The following ATL3 variants were observed in gnomAD, a reference collection of about 807,000 sequenced individuals.
ATL3 encodes atlastin-3.
A neutral mutation model predicts 69.5 loss-of-function variants in ATL3; 49 were observed. That is an observed-to-expected ratio of 0.71 (90% CI 0.56 to 0.89). ATL3 has a LOEUF of 0.89. Ranked by LOEUF, ATL3 falls within the 40% of genes least tolerant of loss-of-function variation. The probability of loss-of-function intolerance (pLI) is 0.00; values close to 1 mark genes in which losing one functional copy is unlikely to be tolerated. For missense variants in ATL3, 606 were observed against 645.7 expected, an observed-to-expected ratio of 0.94 and a Z score of 0.67; for synonymous variants, 214 against 224.1, an observed-to-expected ratio of 0.95 and a Z score of 0.40.
chr11:63,639,166 T>C (rs1939614094), intron 8 of ATL3, among the ~76,000 whole-genome samples: 2 of 152,198 alleles, frequency 1.3e-5, no homozygotes, highest in Non-Finnish European at 1.5e-5. Context: ...TGTGTGGTTC[T>C]CAAGCTAGCA....
At chr11:63,648,343 T>C (rs1267458737) in intron 5 of ATL3, among the ~76,000 whole-genome samples, 1 of 152,068 alleles carries the variant, frequency 6.6e-6, no homozygotes. Flanking sequence ...AATAAATATC[T>C]GCAAAAAAAA....
intron 5 of ATL3, among the ~76,000 whole-genome samples, chr11:63,648,346 A>C (rs1939955194): frequency 6.6e-6 from 1 of 151,970 alleles, no homozygotes; most frequent in Non-Finnish European, 1.5e-5. Flanking sequence ...AAATATCTGC[A>C]AAAAAAATAG....
chr11:63,630,971 A>C (rs1271819495), intron 12 of ATL3, 69 bp downstream of exon 12: 1 of 1,476,516 alleles, frequency 6.8e-7, no homozygotes, highest in Admixed American at 2.2e-5. Flanking sequence ...CCAAACTGAG[A>C]TATTTTACAA....
intron 9 of ATL3, 45 bp from the exon 10 acceptor site, chr11:63,635,635 A>T: frequency 7.1e-7 from 1 of 1,409,076 alleles, no homozygotes; most frequent in Non-Finnish European, 9.9e-7. Flanking sequence ...TTATTCAGTC[A>T]TATCTTACTC....
intron 5 of ATL3, among the ~76,000 whole-genome samples, chr11:63,647,287 G>A (rs1310899047): frequency 2.0e-5 from 3 of 152,154 alleles, no homozygotes; most frequent in Non-Finnish European, 2.9e-5. Context: ...TCCGCCTCCC[G>A]GGTTCAAGCG....
intron 3 of ATL3, among the ~76,000 whole-genome samples, chr11:63,656,595 G>A (rs1164748937): frequency 2.6e-5 from 4 of 151,386 alleles, no homozygotes; most frequent in Non-Finnish European, 5.9e-5. Context: ...TTAGCCAGGC[G>A]TGGTGGTGCG....
chr11:63,651,876 T>G, intron 5 of ATL3, 60 bp downstream of exon 5: 1 of 1,539,762 alleles, frequency 6.5e-7, no homozygotes, highest in Middle Eastern at 2.4e-4. Flanking sequence ...TTGTAAAATG[T>G]TCCTTAATCT....
intron 6 of ATL3, among the ~76,000 whole-genome samples, chr11:63,646,130 T>C (rs1014057513): frequency 7.2e-5 from 11 of 152,120 alleles, no homozygotes; most frequent in African/African-American, 2.7e-4. Context: ...CTCTAGCAAT[T>C]CTTCCACCTG....
At chr11:63,666,891 G>A (rs190672010) in intron 1 of ATL3, among the ~76,000 whole-genome samples, 2 of 152,296 alleles carry the variant, frequency 1.3e-5, no homozygotes, top group East Asian at 1.9e-4. Flanking sequence ...TATGGATAAC[G>A]TGATGTTTTT....
chr11:63,634,667 TG>T (rs1205701340), intron 10 of ATL3, among the ~76,000 whole-genome samples: 5 of 152,190 alleles, frequency 3.3e-5, no homozygotes, highest in Non-Finnish European at 5.9e-5. Context: ...ACATTCTAGT[TG>T]CAAATTAAAA....
rs1194908926 is a variant in ATL3, at chr11:63,626,844, AATC to A, written c.*2472_*2474del. 1.3e-5 allele frequency: 2 copies of A among 152,136 alleles called. No individual in the cohort carries two copies. Among genetic ancestry groups the A allele is most frequent in the African/African-American group, 2.4e-5 (1 of 41,428 alleles). 9.4% of individuals were successfully genotyped at this position (152,136 alleles called of 1,614,324 possible). A position where few individuals can be genotyped will look rare whatever the true frequency, so the allele number is the denominator to read the frequency against. On this transcript the variant is annotated 3_prime_UTR_variant, in exon 13 of 13. Transcript: ENST00000398868. The stretch of plus-strand genomic sequence containing the variant: ...TCTTTTATTGAAAAAGCTGATATAA[AATC>A]ATCAATTTACTGTTGAGAGAAAAGA...
intron 4 of ATL3, 102 bp from the exon 5 acceptor site, chr11:63,652,088 C>G (rs1204058897): frequency 6.7e-7 from 1 of 1,491,618 alleles, no homozygotes; most frequent in African/African-American, 1.4e-5. Context: ...TAAAGACTTG[C>G]ATATAAGAAC....
At chr11:63,640,980 G>A (rs1259876939) in intron 8 of ATL3, among the ~76,000 whole-genome samples, 3 of 152,170 alleles carry the variant, frequency 2.0e-5, no homozygotes, top group South Asian at 2.1e-4. Context: ...ATCAAAGGAC[G>A]TGAACATTCT....
At position 63,635,584 on chromosome 11, in the gene ATL3, T is replaced by A. The variant is rs1200084150; in HGVS notation, c.985A>T (p.Ile329Phe). The A allele has an allele frequency of 6.2e-7, 1 of 1,601,448 alleles. No individual in the cohort carries two copies. Among genetic ancestry groups the A allele is most frequent in the East Asian group, 2.2e-5 (1 of 44,792 alleles). ...RGLLEYFKAY[I>F]KIYQGEDLPH... ...AGATCTTCTCCTTGATAAATTTTAA[T>A]ATATGCCTTAAAATATAAACATAAA... The change falls in exon 10 of 13, where the codon ATT becomes TTT. Residue 329 changes from isoleucine (I) to phenylalanine (F), a missense_variant. Coordinates refer to ENST00000398868, the MANE Select transcript of ATL3 (RefSeq NM_015459.5).
intron 1 of ATL3, among the ~76,000 whole-genome samples, chr11:63,670,713 T>C (rs1278559580): frequency 6.6e-6 from 1 of 152,258 alleles, no homozygotes; most frequent in African/African-American, 2.4e-5. Context: ...GAAAACCAAC[T>C]TTCCTAATAC....
At chr11:63,652,038 C>T in intron 4 of ATL3, 52 bp from the exon 5 acceptor site, 1 of 1,568,132 alleles carries the variant, frequency 6.4e-7, no homozygotes, top group East Asian at 2.3e-5. Flanking sequence ...TCAAACAAAT[C>T]CCAAATAAGC....
intron 11 of ATL3, chr11:63,632,610 G>C: frequency 1.1e-6 from 1 of 882,008 alleles, no homozygotes; most frequent in Non-Finnish European, 1.9e-6. Context: ...AGTTACTATG[G>C]ACCTATTCCA....
chr11:63,671,580 C>G, upstream of ATL3: 1 of 1,422,168 alleles, frequency 7.0e-7, no homozygotes, highest in Non-Finnish European at 9.2e-7. Context: ...GGAAAGCGCA[C>G]GCGGCAGAAT....
intron 6 of ATL3, among the ~76,000 whole-genome samples, chr11:63,646,046 G>A (rs1939866019): frequency 8.2e-6 from 1 of 122,308 alleles, no homozygotes. Flanking sequence ...TTACAGGCAT[G>A]AGCCACTGTA....
Sources: allele counts gnomAD v4.1 joint callset (sites outside exome capture counted in the v4.1 genomes callset), GRCh38; gene constraint gnomAD v4.1.1; transcripts MANE v1.5; gene names NCBI Gene and HGNC (gene_info 2026-07-23, HGNC 2026-07-21).